Variants in COL4A4 observed in about 807,000 individuals in gnomAD.
COL4A4 encodes the protein collagen type IV alpha 4 chain.
In COL4A4, 105 loss-of-function variants were observed where a neutral mutation model predicts 192.9. The ratio of observed to expected loss-of-function variants is 0.54; its 90% CI spans 0.46 to 0.64. The LOEUF is 0.64. Ranked by LOEUF, COL4A4 falls within the 30% of genes least tolerant of loss-of-function variation. The pLI is 0.00. For missense variants in COL4A4, 1,967 were observed against 2,169.3 expected (o/e 0.91, Z 1.85); for synonymous variants, 762 against 769.9 (o/e 0.99, Z 0.17).
At chr2:226,995,927 T>C in the COL4A4 span, 1 of 171,894 alleles carries the variant, frequency 5.8e-6, no homozygotes, top group East Asian at 1.7e-4. Flanking sequence ...TGGCAGCGGG[T>C]GTGGAGCCAT....
rs267599227 is a variant in COL4A4, at chr2:227,032,224, C to A, written c.3630G>T (p.Gly1210=). The A allele has an allele frequency of 1.9e-6, 3 of 1,614,088 alleles. No individual in the cohort carries two copies. Among genetic ancestry groups the A allele is most frequent in the Non-Finnish European group, 2.5e-6 (3 of 1,179,958 alleles). ...PGPVGIPGLK[G]ERGDPGSPGI... is the part of the protein sequence containing the mutation. ...CTGGGCTCCCAGGGTCTCCTCTCTC[C>A]CCTTTTAGCCCAGGTATTCCCACTG... Residue 1210 remains glycine, a synonymous_variant, in exon 39 of 48, where the codon GGG becomes GGT. Transcript: ENST00000396625.
intron 1 of COL4A4, among the ~76,000 whole-genome samples, chr2:227,153,439 A>G (rs1215953127): frequency 6.6e-6 from 1 of 152,138 alleles, no homozygotes; most frequent in African/African-American, 2.4e-5. Flanking sequence ...TCAGAGCCCC[A>G]CCTTCAGCTC....
chr2:227,041,732 AAGGAAGG>A (rs1970938702), intron 37 of COL4A4, among the ~76,000 whole-genome samples: 1 of 35,280 alleles, frequency 2.8e-5, no homozygotes, highest in Non-Finnish European at 5.6e-5. Flanking sequence ...GGAAGGAAGG[AAGGAAGG>A]AAGGAAGGAA....
chr2:227,024,149 C>G (rs1966571319), intron 43 of COL4A4, among the ~76,000 whole-genome samples: 1 of 152,222 alleles, frequency 6.6e-6, no homozygotes, highest in South Asian at 2.1e-4. Flanking sequence ...TCTTAACCAC[C>G]TCATCAGACT....
In COL4A4 at chr2:227,054,688, C is replaced by T. The variant is rs377626576; in HGVS notation, c.2766G>A (p.Lys922=). 2 of 1,614,224 alleles carry T rather than the reference C, an allele frequency of 1.2e-6. No individual in the cohort carries two copies. Among genetic ancestry groups the T allele is most frequent in the Non-Finnish European group, 1.7e-6 (2 of 1,180,034 alleles). ...GFPGFPGERG[K]PGAEGCPGAK... ...CGCCAGGACATCCCTCTGCACCAGG[C>T]TTTCCTCTTTCTCCGGGAAAACCTG... The change falls in exon 31 of 48, where the codon AAG becomes AAA. Residue 922 remains lysine, a synonymous_variant. Transcript: ENST00000396625.
In COL4A4 at chr2:227,051,262, T is replaced by C. The variant is rs1341746292; in HGVS notation, c.2969-104A>G. ...CTTTTAGGAGATAAAGCCAAAGGTA[T>C]TGAGGATTCTGATTGCTGTCCCAAG... On this transcript the variant is annotated intron_variant, in intron 32 of 47. Transcript: ENST00000396625. 7 of 1,193,314 alleles carry C rather than the reference T, an allele frequency of 5.9e-6. No homozygotes were observed. In the African/African-American group the frequency reaches 6.0e-5, roughly 10 times the overall value. 73.9% of individuals were successfully genotyped at this position (1,193,314 alleles called of 1,614,324 possible). A position where few individuals can be genotyped will look rare whatever the true frequency, so the allele number is the denominator to read the frequency against.
chr2:227,161,719 A>T (rs2064848116), intron 1 of COL4A4, among the ~76,000 whole-genome samples: 2 of 152,172 alleles, frequency 1.3e-5, no homozygotes, highest in African/African-American at 4.8e-5. Context: ...ATCCAGAGTG[A>T]GACCAGAGAC....
At chr2:227,067,720 G>T (rs1247010943) in intron 25 of COL4A4, among the ~76,000 whole-genome samples, 2 of 152,166 alleles carry the variant, frequency 1.3e-5, no homozygotes, top group Non-Finnish European at 2.9e-5. Flanking sequence ...TCAAAGCAGT[G>T]TGTAGAGGGA....
At chr2:226,968,483 T>G in the COL4A4 span, among the ~76,000 whole-genome samples, 1 of 152,160 alleles carries the variant, frequency 6.6e-6, no homozygotes, top group Non-Finnish European at 1.5e-5. Flanking sequence ...ATCCACATTA[T>G]CTAAAATAAT....
At chr2:227,045,805 TATATATATATA>T (rs1972408081) in intron 35 of COL4A4, among the ~76,000 whole-genome samples, 2 of 48,908 alleles carry the variant, frequency 4.1e-5, no homozygotes, top group Admixed American at 2.2e-4. Flanking sequence ...TATACACATA[TATATATATATA>T]CACATATATA....
intron 36 of COL4A4, 152 bp downstream of exon 36, chr2:227,042,925 C>G: frequency 3.0e-6 from 2 of 662,410 alleles, no homozygotes; most frequent in Non-Finnish European, 5.5e-6. Flanking sequence ...ATAGGTGAGG[C>G]ATAGGTGAGC....
At chr2:227,019,235 C>A (rs548903046) in intron 44 of COL4A4, among the ~76,000 whole-genome samples, 2 of 152,352 alleles carry the variant, frequency 1.3e-5, no homozygotes, top group African/African-American at 4.8e-5. Context: ...GTGATTTTAA[C>A]CTGCAGCTAG....
intron 44 of COL4A4, among the ~76,000 whole-genome samples, chr2:227,018,312 G>GA (rs1332860659): frequency 6.6e-6 from 1 of 152,074 alleles, no homozygotes; most frequent in East Asian, 1.9e-4. Context: ...ACACCCTGCT[G>GA]AAAAAATACC....
At chr2:227,144,155 G>T (rs1341744810) in intron 3 of COL4A4, among the ~76,000 whole-genome samples, 2 of 152,130 alleles carry the variant, frequency 1.3e-5, no homozygotes, top group Non-Finnish European at 2.9e-5. Flanking sequence ...AAGAAAGATA[G>T]CTTATTACAG....
intron 38 of COL4A4, among the ~76,000 whole-genome samples, 200 bp downstream of exon 38, chr2:227,033,210 A>G (rs148154838): frequency 6.6e-6 from 1 of 152,218 alleles, no homozygotes; most frequent in South Asian, 2.1e-4. Flanking sequence ...TCCTTCTTAA[A>G]TAGGGTTTTC....
In COL4A4 at chr2:227,101,922, C is replaced by CA. The variant is rs746509796; in HGVS notation, c.931-14dup. On this transcript the variant is annotated splice_polypyrimidine_tract_variant and intron_variant, in intron 15 of 47. Transcript: ENST00000396625. ...AACCAGGATCCCCCTAATAAATTCA[C>CA]AAAAATCAGGATAAACAGAATTAAA... is the stretch of plus-strand genomic sequence containing the variant. The CA allele has an allele frequency of 4.3e-5, 69 of 1,590,338 alleles. No homozygotes were observed. Among genetic ancestry groups the CA allele is most frequent in the Non-Finnish European group, 5.6e-5 (65 of 1,163,710 alleles).
Position 227,033,403 on chromosome 2 carries a change from T to C in COL4A4, c.3577+7A>G, listed in dbSNP as rs1281400182. On this transcript the variant is annotated splice_region_variant and intron_variant, in intron 38 of 47. Coordinates refer to ENST00000396625, the MANE Select transcript of COL4A4 (RefSeq NM_000092.5). The stretch of plus-strand genomic sequence containing the variant: ...CTCAGTCTGTTACGAATCGATTAGG[T>C]GCTTACCTGAAGCACCTTTAGTTCC... 1 of 1,610,898 alleles carries C rather than the reference T, an allele frequency of 6.2e-7. No individual in the cohort carries two copies. Among genetic ancestry groups the C allele is most frequent in the Non-Finnish European group, 8.5e-7 (1 of 1,177,804 alleles).
At chr2:227,084,338 A>T (rs1185280945) in intron 22 of COL4A4, among the ~76,000 whole-genome samples, 1 of 152,166 alleles carries the variant, frequency 6.6e-6, no homozygotes, top group African/African-American at 2.4e-5. Flanking sequence ...GAAAGAGAAA[A>T]AAGTGGAATG....
At chr2:226,996,795 T>TTACTTTTACAA in the COL4A4 span, 2 of 152,236 alleles carry the variant, frequency 1.3e-5, no homozygotes, top group Non-Finnish European at 2.9e-5. Flanking sequence ...TGTGTGTGTG[T>TTACTTTTACAA]TACTTTTACA....
Sources: allele counts gnomAD v4.1 joint callset (sites outside exome capture counted in the v4.1 genomes callset), GRCh38; gene constraint gnomAD v4.1.1; transcripts MANE v1.5; gene names NCBI Gene and HGNC (gene_info 2026-07-23, HGNC 2026-07-21).